CASD1: variants seen among roughly 807,000 people sequenced by gnomAD.
The protein encoded by CASD1 is CAS1 domain sialic acid O acetyltransferase 1, also known as N-acetylneuraminate (7)9-O-acetyltransferase.
In CASD1, 41 loss-of-function variants were observed where a neutral mutation model predicts 100.0. The ratio of observed to expected loss-of-function variants is 0.41; its 90% CI spans 0.32 to 0.53. CASD1 has a LOEUF of 0.53. Ranked by LOEUF, CASD1 falls within the 20% of genes least tolerant of loss-of-function variation. CASD1 has a pLI of 0.25. For synonymous variants in CASD1, 321 were observed against 315.6 expected, an observed-to-expected ratio of 1.02 and a Z score of -0.18; for missense variants, 774 against 948.7, an observed-to-expected ratio of 0.82 and a Z score of 2.42.
At chr7:94,628,424 T>G in the CASD1 span, 21 of 1,374,720 alleles carry the variant, frequency 1.5e-5, no homozygotes, top group Non-Finnish European at 2.2e-5. Flanking sequence ...TTTGGTAGTT[T>G]CAATCAAAAC....
the CASD1 span, among the ~76,000 whole-genome samples, chr7:94,564,091 A>G: frequency 2.6e-5 from 4 of 152,164 alleles, no homozygotes; most frequent in African/African-American, 9.7e-5. Context: ...CAAAAGAGTT[A>G]CCATAGCGAA....
chr7:94,529,178 G>A (rs1441467925), intron 5 of CASD1, among the ~76,000 whole-genome samples: 1 of 152,142 alleles, frequency 6.6e-6, no homozygotes, highest in Non-Finnish European at 1.5e-5. Flanking sequence ...GTCCAGAAGT[G>A]TAGAATAATG....
chr7:94,549,488 T>C (rs756947485), intron 13 of CASD1, 45 bp from the exon 14 acceptor site: 1 of 1,361,962 alleles, frequency 7.3e-7, no homozygotes, highest in Non-Finnish European at 1.0e-6. Context: ...AAAGCAAATA[T>C]TGACTTGTAC....
At chr7:94,552,751 A>G (rs1458530348) in intron 16 of CASD1, among the ~76,000 whole-genome samples, 1 of 152,214 alleles carries the variant, frequency 6.6e-6, no homozygotes, top group Non-Finnish European at 1.5e-5. Flanking sequence ...AGCCTGGACA[A>G]CATGGTGAAA....
downstream of CASD1, among the ~76,000 whole-genome samples, chr7:94,558,450 A>G (rs1203286381): frequency 1.3e-5 from 2 of 152,194 alleles, no homozygotes; most frequent in African/African-American, 4.8e-5. Flanking sequence ...AAAGAAATTC[A>G]ATTCTTCACA....
chr7:94,582,564 T>A, the CASD1 span, among the ~76,000 whole-genome samples: 1 of 152,234 alleles, frequency 6.6e-6, no homozygotes, highest in African/African-American at 2.4e-5. Flanking sequence ...CTTTGTCAGA[T>A]GTATAGATTG....
chr7:94,620,462 A>G, the CASD1 span: 1 of 152,198 alleles, frequency 6.6e-6, no homozygotes. Context: ...CGTTTTATAG[A>G]CATATTTCCT....
At chr7:94,629,721 G>C in the CASD1 span, 4 of 1,610,734 alleles carry the variant, frequency 2.5e-6, no homozygotes, top group Non-Finnish European at 3.4e-6. Context: ...GAACATACCA[G>C]GTTTTGGGTA....
chr7:94,564,732 G>C, the CASD1 span, among the ~76,000 whole-genome samples: 1 of 152,072 alleles, frequency 6.6e-6, no homozygotes, highest in Non-Finnish European at 1.5e-5. Flanking sequence ...AAAATACTTT[G>C]GGTCTTCATG....
chr7:94,623,958 TCAAAAACA>T, the CASD1 span: 4 of 377,910 alleles, frequency 1.1e-5, no homozygotes, highest in Non-Finnish European at 1.9e-5. Context: ...TGGAACATGC[TCAAAAACA>T]CAAATCAATC....
At chr7:94,597,552 TGAGAGA>T in the CASD1 span, 1 of 151,758 alleles carries the variant, frequency 6.6e-6, no homozygotes, top group East Asian at 1.9e-4. Context: ...TCTGTGTGTA[TGAGAGA>T]GAGAGAAAGA....
chr7:94,602,099 A>G, the CASD1 span, among the ~76,000 whole-genome samples: 2 of 152,154 alleles, frequency 1.3e-5, no homozygotes, highest in African/African-American at 2.4e-5. Context: ...CTCATTTTCC[A>G]GAACAACCAC....
At chr7:94,616,489 C>T in the CASD1 span, among the ~76,000 whole-genome samples, 1 of 152,106 alleles carries the variant, frequency 6.6e-6, no homozygotes, top group Non-Finnish European at 1.5e-5. Context: ...TTTGCTAGCT[C>T]TGAACCTATT....
At chr7:94,541,667 A>G (rs1043795833) in intron 10 of CASD1, among the ~76,000 whole-genome samples, 1 of 150,114 alleles carries the variant, frequency 6.7e-6, no homozygotes, top group South Asian at 2.1e-4. Flanking sequence ...AAGTCAAACT[A>G]GCTATTAACT....
Position 94,555,533 on chromosome 7 carries a change from A to G in CASD1, c.2169A>G (p.Thr723=). The change falls in exon 18 of 18, where the codon ACA becomes ACG. Residue 723 remains threonine (T), a synonymous_variant. Coordinates refer to ENST00000297273, the MANE Select transcript of CASD1 (RefSeq NM_022900.5). ...CQYHIWLAAD[T]RGILVLIPGN... ...ATCACATATGGCTGGCAGCGGACAC[A>G]AGGGGTATCTTGGTACTGATACCTG... The G allele has an allele frequency of 6.2e-7, 1 of 1,613,308 alleles. No homozygotes were observed. The highest frequency in any genetic ancestry group is 8.5e-7 in the Non-Finnish European group (1 of 1,179,574).
In CASD1 at chr7:94,510,120, G is replaced by C; in HGVS notation, c.36G>C (p.Glu12Asp). ...AALAYNLGKR[E>D]INHYFSVRSA... ...TGGCCTACAACCTGGGCAAGCGGGA[G>C]ATCAACCACTACTTCAGCGTGAGGA... The change falls in exon 1 of 18, where the codon GAG becomes GAC. Residue 12 changes from glutamate (E) to aspartate (D), a missense_variant. This residue lies in a region of CASD1 where 75 missense variants were observed against 60.9 expected (regional missense o/e 1.23). Transcript: ENST00000297273. The C allele has an allele frequency of 6.5e-7, 1 of 1,530,444 alleles. No homozygotes were observed. Among genetic ancestry groups the C allele is most frequent in the East Asian group, 2.6e-5 (1 of 39,194 alleles). The allele number at this position is 1,530,444 out of a possible 1,614,324, so 94.8% of individuals were successfully genotyped here. A position where few individuals can be genotyped will look rare whatever the true frequency, so the allele number is the denominator to read the frequency against.
At chr7:94,548,007 AT>A (rs1237157071) in intron 13 of CASD1, among the ~76,000 whole-genome samples, 2 of 151,304 alleles carry the variant, frequency 1.3e-5, no homozygotes, top group Non-Finnish European at 3.0e-5. Flanking sequence ...AAGCACTACT[AT>A]TTCTGCTTGA....
At chr7:94,553,782 G>T (rs976535171) in intron 16 of CASD1, 1 of 100,360 alleles carries the variant, frequency 1.0e-5, no homozygotes, top group Non-Finnish European at 2.2e-5. Context: ...ATGTACCCTA[G>T]AACTTAAATA....
the CASD1 span, among the ~76,000 whole-genome samples, chr7:94,573,449 G>A: frequency 1.3e-5 from 2 of 152,056 alleles, no homozygotes; most frequent in African/African-American, 2.4e-5. Context: ...TCACCTCCCT[G>A]ATTAGCTGTA....
Sources: gnomAD v4.1 joint callset for allele counts (sites outside exome capture counted in the v4.1 genomes callset) on GRCh38, gnomAD v4.1.1 for gene constraint, gnomAD v4.1.1 regional missense constraint, MANE v1.5 for transcripts, NCBI Gene and HGNC (gene_info 2026-07-23, HGNC 2026-07-21) for gene names.